PDE1A: variants seen among roughly 807,000 people sequenced by gnomAD.
PDE1A encodes phosphodiesterase 1A.
A neutral mutation model predicts 61.7 loss-of-function variants in PDE1A; 35 were observed. The observed-to-expected ratio is 0.57, with a 90% confidence interval of 0.43 to 0.75. The LOEUF (loss-of-function observed/expected upper bound fraction) is 0.75, where lower values mean the gene tolerates loss of function less well. Among genes scored for constraint, PDE1A ranks in the 30% least tolerant of loss-of-function variants. PDE1A has a pLI of 0.00. For synonymous variants in PDE1A, 232 were observed against 213.2 expected (o/e 1.09, Z -0.77); for missense variants, 597 against 630.6 (o/e 0.95, Z 0.57).
chr2:182,240,462 C>CTTAA (rs750622349), intron 2 of PDE1A, among the ~76,000 whole-genome samples, 170 bp from the exon 3 acceptor site: 7 of 152,152 alleles, frequency 4.6e-5, no homozygotes, highest in Non-Finnish European at 8.8e-5. Flanking sequence ...TTGGAAAGCT[C>CTTAA]TTAATTTCTC....
chr2:182,544,452 G>A, the PDE1A span, among the ~76,000 whole-genome samples: 1 of 152,134 alleles, frequency 6.6e-6, no homozygotes, highest in African/African-American at 2.4e-5. Flanking sequence ...ATGAGTTTAA[G>A]TCACAAGGAA....
intron 1 of PDE1A, among the ~76,000 whole-genome samples, chr2:182,380,917 G>T (rs1396320572): frequency 6.6e-6 from 1 of 152,158 alleles, no homozygotes; most frequent in Non-Finnish European, 1.5e-5. Context: ...CAGTATCCTA[G>T]AAATGAGAAG....
the PDE1A span, among the ~76,000 whole-genome samples, chr2:182,698,662 A>G: frequency 6.6e-6 from 1 of 152,240 alleles, no homozygotes; most frequent in Non-Finnish European, 1.5e-5. Context: ...TGCTCATAGT[A>G]ATTATATTAG....
the PDE1A span, among the ~76,000 whole-genome samples, chr2:182,528,560 T>C: frequency 6.6e-6 from 1 of 152,222 alleles, no homozygotes; most frequent in African/African-American, 2.4e-5. Flanking sequence ...TCAAGCCGGC[T>C]ACAGAAATTT....
At chr2:182,291,197 C>G (rs1344666194) in intron 1 of PDE1A, among the ~76,000 whole-genome samples, 2 of 152,092 alleles carry the variant, frequency 1.3e-5, no homozygotes, top group Non-Finnish European at 2.9e-5. Context: ...CCTAGGCAAT[C>G]CTTCATGTAC....
intron 1 of PDE1A, among the ~76,000 whole-genome samples, chr2:182,269,024 C>A (rs1574205914): frequency 6.6e-6 from 1 of 151,766 alleles, no homozygotes; most frequent in South Asian, 2.1e-4. Flanking sequence ...CCAGATATGA[C>A]AAAGAAGATA....
chr2:182,689,908 G>T, the PDE1A span, among the ~76,000 whole-genome samples: 1 of 152,160 alleles, frequency 6.6e-6, no homozygotes, highest in Non-Finnish European at 1.5e-5. Flanking sequence ...ACACCTCTAT[G>T]CAAATAAACT....
chr2:182,186,731 T>C (rs1685237954), intron 11 of PDE1A, 143 bp from the exon 12 acceptor site: 2 of 733,610 alleles, frequency 2.7e-6, no homozygotes, highest in East Asian at 5.5e-5. Flanking sequence ...TTACCCTTTG[T>C]ATTGTTTTAA....
chr2:182,690,524 G>C, the PDE1A span, among the ~76,000 whole-genome samples: 5 of 152,098 alleles, frequency 3.3e-5, no homozygotes, highest in East Asian at 7.7e-4. Flanking sequence ...TTGATGGGAT[G>C]TATCTCAAAA....
intron 2 of PDE1A, among the ~76,000 whole-genome samples, chr2:182,251,517 C>T (rs778413530): frequency 5.3e-5 from 8 of 152,162 alleles, no homozygotes; most frequent in Admixed American, 1.3e-4. Context: ...TGAAAGTTCC[C>T]ATGCTGTAAG....
chr2:182,666,855 A>C, the PDE1A span, among the ~76,000 whole-genome samples: 2 of 152,166 alleles, frequency 1.3e-5, no homozygotes, highest in African/African-American at 4.8e-5. Flanking sequence ...GCATCAGTTC[A>C]TATTAAGTGT....
At chr2:182,627,356 AAT>A in the PDE1A span, among the ~76,000 whole-genome samples, 14 of 118,834 alleles carry the variant, frequency 1.2e-4, no homozygotes, top group African/African-American at 2.3e-4. Context: ...TATAAAATAT[AAT>A]ATATATATTT....
At chr2:182,689,698 T>C in the PDE1A span, among the ~76,000 whole-genome samples, 35 of 152,032 alleles carry the variant, frequency 2.3e-4, no homozygotes, top group African/African-American at 8.4e-4. Context: ...CTGAAGGAGA[T>C]AGAGACACAA....
At chr2:182,393,985 G>C (rs1701562563) in intron 1 of PDE1A, among the ~76,000 whole-genome samples, 1 of 152,136 alleles carries the variant, frequency 6.6e-6, no homozygotes, top group African/African-American at 2.4e-5. Flanking sequence ...CAAGTCTCCA[G>C]GAAGTTCCAA....
chr2:182,528,677 G>T, the PDE1A span, among the ~76,000 whole-genome samples: 1 of 152,166 alleles, frequency 6.6e-6, no homozygotes, highest in Non-Finnish European at 1.5e-5. Flanking sequence ...AAGCCTGGAG[G>T]TCTAGGAGGA....
At chr2:182,255,820 G>T (rs1468722387) in intron 2 of PDE1A, among the ~76,000 whole-genome samples, 1 of 151,726 alleles carries the variant, frequency 6.6e-6, no homozygotes, top group Non-Finnish European at 1.5e-5. Context: ...AGCGCACCTA[G>T]CTAATTTTTG....
chr2:182,403,554 G>C (rs909873426), intron 1 of PDE1A, among the ~76,000 whole-genome samples: 135 of 147,282 alleles, frequency 9.2e-4, no homozygotes, highest in African/African-American at 3.3e-3. Flanking sequence ...AGCCGAGATC[G>C]CGCCACTGCA....
chr2:182,658,047 T>TAAAAAAAAAAAAAAAAAA, the PDE1A span, among the ~76,000 whole-genome samples: 1 of 66,670 alleles, frequency 1.5e-5, no homozygotes, highest in African/African-American at 6.9e-5. Flanking sequence ...AGCTTCTCAG[T>TAAAAAAAAAAAAAAAAAA]AAAAAAAAAA....
rs548993514 is a variant in PDE1A at position 182,403,598 on chromosome 2, C to CAAAAAAAAAAAAA, written c.53+22967_53+22979dup. Reference sequence around the variant, plus strand: ...TGGGCGACAGAGCCAGACTCCGTCTCAAAAAAAAAAAAAAAAGAAAATGTG... The same window carrying CAAAAAAAAAAAAA: ...TGGGCGACAGAGCCAGACTCCGTCTCAAAAAAAAAAAAAAAAAAAAAAAAAAAAAGAAAATGTG... On this transcript the variant is annotated intron_variant, in intron 1 of 13. Transcript: ENST00000351439. 1.2e-3 allele frequency among the ~76,000 whole-genome samples: 96 copies of CAAAAAAAAAAAAA among 77,558 alleles called. 3 individuals are homozygous for CAAAAAAAAAAAAA. Among genetic ancestry groups the CAAAAAAAAAAAAA allele is most frequent in the African/African-American group, 4.1e-3 (66 of 16,178 alleles). The allele number at this position is 77,558 out of a possible 152,430, so 50.9% of individuals were successfully genotyped here.
Sources: allele counts gnomAD v4.1 joint callset (sites outside exome capture counted in the v4.1 genomes callset), GRCh38; gene constraint gnomAD v4.1.1; transcripts MANE v1.5; gene names NCBI Gene and HGNC (gene_info 2026-07-23, HGNC 2026-07-21).